Variants in PDE4D observed in about 807,000 individuals in gnomAD.
PDE4D encodes 3',5'-cyclic-AMP phosphodiesterase 4D.
In PDE4D, 24 loss-of-function variants were observed where a neutral mutation model predicts 87.4. The ratio of observed to expected loss-of-function variants is 0.27; its 90% CI spans 0.20 to 0.39. The LOEUF is 0.39. Among genes scored for constraint, PDE4D ranks in the 10% least tolerant of loss-of-function variants. The probability of loss-of-function intolerance (pLI) is 1.00; values close to 1 mark genes in which losing one functional copy is unlikely to be tolerated. For missense variants in PDE4D, 714 were observed against 1,041.0 expected (o/e 0.69, Z 4.32); for synonymous variants, 384 against 383.2 (o/e 1.00, Z -0.02).
chr5:60,441,177 G>A (rs1000237402), intron 1 of PDE4D, among the ~76,000 whole-genome samples: 3 of 152,136 alleles, frequency 2.0e-5, no homozygotes, highest in Non-Finnish European at 4.4e-5. Context: ...CACGCTACCT[G>A]ACTTCAAACT....
intron 1 of PDE4D, among the ~76,000 whole-genome samples, chr5:59,260,493 T>C (rs1239261439): frequency 2.0e-5 from 3 of 151,866 alleles, no homozygotes; most frequent in Admixed American, 6.6e-5. Flanking sequence ...ACAAATGGCA[T>C]GAATTACGAA....
chr5:59,080,504 G>C, intron 5 of PDE4D, among the ~76,000 whole-genome samples: 1 of 152,170 alleles, frequency 6.6e-6, no homozygotes, highest in East Asian at 1.9e-4. Context: ...AGATGGTGAA[G>C]AAGTATCTCT....
At chr5:59,723,932 G>GTTTTC (rs1009209541) in intron 1 of PDE4D, among the ~76,000 whole-genome samples, 2 of 152,068 alleles carry the variant, frequency 1.3e-5, no homozygotes, top group Admixed American at 6.6e-5. Context: ...ATTCATTGAG[G>GTTTTC]TTTTCTTTTC....
In PDE4D at chr5:59,587,388, A is replaced by G. The variant is rs116783986; in HGVS notation, c.455+305780T>C. The G allele has an allele frequency of 2.0e-3, 1,845 of 920,738 alleles. 33 individuals carry two copies. In the East Asian group the frequency reaches 0.045, roughly 23 times the overall value. 57.0% of individuals were successfully genotyped at this position (920,738 alleles called of 1,614,324 possible). ...TTCACCCCAAATTCAGTTTTCCAAT[A>G]GGTGTCATTTATTCTGATGCTCTGA... On this transcript the variant is annotated intron_variant, in intron 1 of 14. Coordinates refer to ENST00000340635, the MANE Select transcript of PDE4D (RefSeq NM_001104631.2).
rs34074485 is a variant in PDE4D, at chr5:59,413,457, CAAAAAAA to C, written c.456-197496_456-197490del. Among the ~76,000 whole-genome samples, 9 of 54,412 alleles carry C rather than the reference CAAAAAAA, an allele frequency of 1.7e-4. 1 individual carries two copies. The highest frequency in any genetic ancestry group is 5.0e-4 in the African/African-American group (6 of 11,992). 35.7% of individuals were successfully genotyped at this position (54,412 alleles called of 152,430 possible). A position where few individuals can be genotyped will look rare whatever the true frequency, so the allele number is the denominator to read the frequency against. On this transcript the variant is annotated intron_variant, in intron 1 of 14. Coordinates refer to ENST00000340635, the MANE Select transcript of PDE4D (RefSeq NM_001104631.2). ...TGGGTGACTGAGTGAGACTCCATCT[CAAAAAAA>C]AAAAAAAAAAAAAAAAAGAAATGCC... is the stretch of plus-strand genomic sequence containing the variant.
chr5:59,884,773 A>G (rs1254809912), intron 1 of PDE4D, among the ~76,000 whole-genome samples: 1 of 152,028 alleles, frequency 6.6e-6, no homozygotes, highest in Admixed American at 6.5e-5. Context: ...GTTCACTGAA[A>G]ATGTACATAA....
intron 1 of PDE4D, among the ~76,000 whole-genome samples, chr5:59,855,267 G>A (rs896040831): frequency 3.1e-4 from 47 of 152,122 alleles, no homozygotes; most frequent in Admixed American, 6.6e-4. Context: ...GCTTCCTCTA[G>A]CTGCTGTCAA....
chr5:58,999,603 T>C, intron 6 of PDE4D: 3 of 1,223,596 alleles, frequency 2.5e-6, no homozygotes, highest in Non-Finnish European at 3.1e-6. Context: ...TGTATTTAGC[T>C]TCAAAATCTC....
At chr5:60,421,361 G>T (rs182096351) in intron 1 of PDE4D, among the ~76,000 whole-genome samples, 190 of 152,312 alleles carry the variant, frequency 1.2e-3, no homozygotes, top group African/African-American at 4.3e-3. Context: ...AGCAATATTT[G>T]CTGTTCTGCA....
intron 1 of PDE4D, among the ~76,000 whole-genome samples, chr5:60,390,078 G>A (rs532512097): frequency 2.6e-5 from 4 of 152,300 alleles, no homozygotes; most frequent in African/African-American, 9.6e-5. Context: ...TGTGGCTGTT[G>A]CAGCCTACTG....
chr5:59,566,366 T>G (rs1583150280), intron 1 of PDE4D, among the ~76,000 whole-genome samples: 1 of 152,168 alleles, frequency 6.6e-6, no homozygotes. Flanking sequence ...GTTCTCTCTC[T>G]TGCCTTCTTT....
At chr5:59,032,751 T>C (rs1757798733) in intron 6 of PDE4D, among the ~76,000 whole-genome samples, 1 of 152,220 alleles carries the variant, frequency 6.6e-6, no homozygotes, top group South Asian at 2.1e-4. Context: ...CACATGCAAT[T>C]TATTGAGCAC....
chr5:59,644,229 C>T (rs1275999534), intron 1 of PDE4D, among the ~76,000 whole-genome samples: 1 of 152,158 alleles, frequency 6.6e-6, no homozygotes, highest in Non-Finnish European at 1.5e-5. Context: ...TGACTGCTCT[C>T]AACCAGCTTA....
chr5:59,332,262 C>G (rs1020169001), intron 1 of PDE4D, among the ~76,000 whole-genome samples: 1 of 152,070 alleles, frequency 6.6e-6, no homozygotes, highest in Admixed American at 6.6e-5. Flanking sequence ...CCCAAAACAG[C>G]ATAAAATTTT....
At chr5:59,442,867 G>T (rs539967294) in intron 1 of PDE4D, among the ~76,000 whole-genome samples, 1 of 152,126 alleles carries the variant, frequency 6.6e-6, no homozygotes, top group Non-Finnish European at 1.5e-5. Flanking sequence ...TTATATCACC[G>T]AATTAGTTGT....
chr5:59,413,413 G>A (rs1457534546), intron 1 of PDE4D, among the ~76,000 whole-genome samples: 3 of 137,388 alleles, frequency 2.2e-5, no homozygotes, highest in Non-Finnish European at 3.0e-5. Flanking sequence ...AGCCGAGATC[G>A]CGCCACTACA....
At chr5:59,746,094 T>TA (rs1205725061) in intron 1 of PDE4D, among the ~76,000 whole-genome samples, 4 of 151,682 alleles carry the variant, frequency 2.6e-5, no homozygotes, top group African/African-American at 4.9e-5. Context: ...AATATATATA[T>TA]TTTTTCAAAA....
At chr5:59,615,213 C>T (rs1266945368) in intron 1 of PDE4D, among the ~76,000 whole-genome samples, 1 of 152,048 alleles carries the variant, frequency 6.6e-6, no homozygotes, top group African/African-American at 2.4e-5. Flanking sequence ...ATATGTTAGA[C>T]CAGCATTTTG....
chr5:59,933,533 C>T (rs1162918434), intron 3 of PDE4D, among the ~76,000 whole-genome samples: 3 of 152,144 alleles, frequency 2.0e-5, no homozygotes, highest in Non-Finnish European at 2.9e-5. Context: ...AAGACTCTAA[C>T]TAAATGATTT....
Sources: allele counts gnomAD v4.1 joint callset (sites outside exome capture counted in the v4.1 genomes callset), GRCh38; gene constraint gnomAD v4.1.1; transcripts MANE v1.5; gene names NCBI Gene and HGNC (gene_info 2026-07-23, HGNC 2026-07-21).